MTMR1: variants seen among roughly 807,000 people sequenced by gnomAD.
The protein encoded by MTMR1 is phosphatidylinositol-3-phosphate phosphatase MTMR1.
A neutral mutation model predicts 51.6 loss-of-function variants in MTMR1; 17 were observed. The observed-to-expected ratio is 0.33, with a 90% CI of 0.23 to 0.49. The LOEUF is 0.49. MTMR1 is among the 20% of genes least tolerant of loss of function. The pLI is 0.99. For missense variants in MTMR1, 386 were observed against 526.9 expected (o/e 0.73, Z 2.62); for synonymous variants, 201 against 205.6 (o/e 0.98, Z 0.19).
chrX:150,748,654 C>CAA (rs201735055), intron 13 of MTMR1, among the ~76,000 whole-genome samples: 3 of 88,896 alleles, frequency 3.4e-5, no homozygotes, highest in Non-Finnish European at 6.7e-5. Flanking sequence ...CTTGTCTTTA[C>CAA]AAAAAAAAAA....
intron 13 of MTMR1, among the ~76,000 whole-genome samples, chrX:150,745,605 C>T (rs1557417440): frequency 9.0e-6 from 1 of 111,476 alleles, no homozygotes; most frequent in Non-Finnish European, 1.9e-5. Flanking sequence ...AGTCATGATG[C>T]TGCCTGTGCT....
chrX:150,759,188 A>G (rs1603274642), intron 15 of MTMR1, among the ~76,000 whole-genome samples: 1 of 112,616 alleles, frequency 8.9e-6, no homozygotes. Context: ...TCAGTGGTCA[A>G]CTTGGGAACC....
intron 15 of MTMR1, among the ~76,000 whole-genome samples, chrX:150,757,240 G>A (rs1227296288): frequency 3.6e-5 from 4 of 112,359 alleles, no homozygotes; most frequent in Non-Finnish European, 7.5e-5. Flanking sequence ...CCTGCCAGCT[G>A]GAAAGCTCCC....
chrX:150,693,649 G>A lies in MTMR1; in HGVS notation c.119G>A (p.Arg40Gln), dbSNP rs1185892997. ...GCGGGGGGCGCCACCGCCGGCTCCC[G>A]GCAGCCCAGCGTGGAGACCCTGGAC... ...RAAGGATAGS[R>Q]QPSVETLDSP... is the part of the protein sequence containing the mutation. The change falls in exon 1 of 16, where the codon CGG (arginine) becomes CAG (glutamine). Residue 40 changes from arginine (R) to glutamine (Q), a missense_variant. Arg to Gln is a conservative substitution (Grantham distance 43). Coordinates refer to ENST00000445323, the MANE Select transcript of MTMR1 (RefSeq NM_001306144.3). 25 of 754,751 alleles carry A rather than the reference G, an allele frequency of 3.3e-5. No individual in the cohort carries two copies. The highest frequency in any genetic ancestry group is 3.7e-5 in the Non-Finnish European group (24 of 641,324). 62.2% of individuals were successfully genotyped at this position (754,751 alleles called of 1,213,427 possible).
In MTMR1 at chrX:150,764,821, C is replaced by T. The variant is rs1454772013; in HGVS notation, c.*2092C>T. ...TTAAGTAAGTAAGTGTACTAGAATG[C>T]GAAGCCGTTATGGTTCAGGTTTTTA... is the stretch of plus-strand genomic sequence containing the variant. On this transcript the variant is annotated 3_prime_UTR_variant, in exon 16 of 16. Transcript: ENST00000445323. 3.6e-5 allele frequency: 4 copies of T among 112,619 alleles called. No homozygotes were observed. The highest frequency in any genetic ancestry group is 6.5e-5 in the African/African-American group (2 of 30,966). 9.3% of individuals were successfully genotyped at this position (112,619 alleles called of 1,213,427 possible). A position where few individuals can be genotyped will look rare whatever the true frequency, so the allele number is the denominator to read the frequency against.
At chrX:150,718,021 C>G (rs1244548855) in intron 3 of MTMR1, among the ~76,000 whole-genome samples, 1 of 112,775 alleles carries the variant, frequency 8.9e-6, no homozygotes, top group Non-Finnish European at 1.9e-5. Flanking sequence ...CTCTTCATGT[C>G]CCTGGTCATA....
At chrX:150,761,233 G>C (rs1328360397) in intron 15 of MTMR1, among the ~76,000 whole-genome samples, 1 of 111,731 alleles carries the variant, frequency 9.0e-6, no homozygotes, top group Non-Finnish European at 1.9e-5. Context: ...GAGGCCTGTG[G>C]GATCTGCCTT....
rs1267347198 is a variant in MTMR1 at position 150,764,214 on chromosome X, T to C, written c.*1485T>C. On this transcript the variant is annotated 3_prime_UTR_variant, in exon 16 of 16. Transcript: ENST00000445323. ...ATTGACCTTATTATTTTTGAAAATA[T>C]GTTAAGGGTTTTTTCGTAGAGAGAG... The C allele has an allele frequency of 8.9e-6, 1 of 112,499 alleles. No homozygotes were observed. Among genetic ancestry groups the C allele is most frequent in the Non-Finnish European group, 1.9e-5 (1 of 53,263 alleles). 9.3% of individuals were successfully genotyped at this position (112,499 alleles called of 1,213,427 possible).
At chrX:150,703,601 C>T in intron 2 of MTMR1, among the ~76,000 whole-genome samples, 1 of 112,196 alleles carries the variant, frequency 8.9e-6, no homozygotes, top group Non-Finnish European at 1.9e-5. Context: ...ACAGTAATTA[C>T]ATTTGGAGGG....
intron 2 of MTMR1, among the ~76,000 whole-genome samples, chrX:150,708,002 A>G (rs782589776): frequency 8.9e-6 from 1 of 112,543 alleles, no homozygotes; most frequent in East Asian, 2.8e-4. Context: ...CTTCATTTAT[A>G]TGACATTCTT....
At chrX:150,747,165 G>C (rs916381302) in intron 13 of MTMR1, among the ~76,000 whole-genome samples, 3 of 110,712 alleles carry the variant, frequency 2.7e-5, no homozygotes, top group Admixed American at 1.9e-4. Context: ...GTGCAGAATT[G>C]GGGCCAGGTG....
intron 12 of MTMR1, among the ~76,000 whole-genome samples, chrX:150,737,787 C>T (rs1219137929): frequency 4.5e-5 from 5 of 111,943 alleles, no homozygotes; most frequent in African/African-American, 1.6e-4. Flanking sequence ...CATACTCTGG[C>T]CAGGCGCGGT....
At chrX:150,739,708 C>T (rs968942154) in intron 12 of MTMR1, among the ~76,000 whole-genome samples, 1 of 112,549 alleles carries the variant, frequency 8.9e-6, no homozygotes, top group Middle Eastern at 4.6e-3. Flanking sequence ...ATAGGACTAT[C>T]AGATTCCTAA....
intron 2 of MTMR1, among the ~76,000 whole-genome samples, chrX:150,709,033 G>A (rs1234155642): frequency 1.8e-5 from 2 of 111,682 alleles, no homozygotes; most frequent in South Asian, 3.7e-4. Context: ...CGAATCCTTC[G>A]GAGTTGGGAA....
At position 150,731,614 on chromosome X, in the gene MTMR1, G is replaced by A; in HGVS notation, c.886G>A (p.Val296Ile). 1 of 1,193,631 alleles carries A rather than the reference G, an allele frequency of 8.4e-7. No individual in the cohort carries two copies. The highest frequency in any genetic ancestry group is 1.1e-6 in the Non-Finnish European group (1 of 885,694). The stretch of plus-strand genomic sequence containing the variant: ...GGCAGCTTTTCGAGCAAAAGGCAGA[G>A]TCCCTGTAAGTAATAAACATTGTCA... Reference protein sequence around the residue: ...KVAAFRAKGRVPVLSWIHPES... With the variant: ...KVAAFRAKGRIPVLSWIHPES... Residue 296 changes from valine (V) to isoleucine (I), a missense_variant, in exon 9 of 16, where the codon GTC (valine) becomes ATC (isoleucine). Physicochemically the swap from Val to Ile is conservative, Grantham distance 29. Coordinates refer to ENST00000445323, the MANE Select transcript of MTMR1 (RefSeq NM_001306144.3).
At chrX:150,737,217 T>C in intron 11 of MTMR1, 25 bp from the exon 12 acceptor site, 1 of 1,172,114 alleles carries the variant, frequency 8.5e-7, no homozygotes, top group Non-Finnish European at 1.2e-6. Context: ...TGTAGCCTGG[T>C]CTAATGTGCC....
At position 150,714,631 on chromosome X, in the gene MTMR1, C is replaced by A. The variant is rs782054719; in HGVS notation, c.276+2266C>A. The A allele has an allele frequency of 7.0e-6, 4 of 568,461 alleles. No individual in the cohort carries two copies. In the South Asian group the frequency reaches 1.2e-4, roughly 18 times the overall value. The allele number at this position is 568,461 out of a possible 1,213,427, so 46.8% of individuals were successfully genotyped here. ...ATAATAAGCAAAGCTTTCCAGATGC[C>A]TCTACCACAATAGTAGTGCCCTCCT... On this transcript the variant is annotated intron_variant, in intron 3 of 15. Coordinates refer to ENST00000445323, the MANE Select transcript of MTMR1 (RefSeq NM_001306144.3).
intron 14 of MTMR1, among the ~76,000 whole-genome samples, chrX:150,753,088 G>T (rs2042799691): frequency 8.9e-6 from 1 of 111,894 alleles, no homozygotes; most frequent in Non-Finnish European, 1.9e-5. Flanking sequence ...TCATAGAAAT[G>T]GAATTATACA....
Position 150,762,622 on chromosome X carries a change from C to G in MTMR1, c.1915C>G (p.Arg639Gly). The change falls in exon 16 of 16, where the codon CGT (arginine) becomes GGT (glycine). Residue 639 changes from arginine (R) to glycine (G), a missense_variant. By Grantham distance (125) the Arg-to-Gly change is moderately radical. Coordinates refer to ENST00000445323, the MANE Select transcript of MTMR1 (RefSeq NM_001306144.3). ...GGCCGTCAGGGCGGAGCTGCAGAAG[C>G]GTGTGGAGGGCCTACAGCGGGAGGT... ...LLAVRAELQK[R>G]VEGLQREVAT... is the part of the protein sequence containing the mutation. 1 of 1,211,851 alleles carries G rather than the reference C, an allele frequency of 8.3e-7. No individual in the cohort carries two copies.
Sources: gnomAD v4.1 joint callset for allele counts (sites outside exome capture counted in the v4.1 genomes callset) on GRCh38, gnomAD v4.1.1 for gene constraint, MANE v1.5 for transcripts, NCBI Gene and HGNC (gene_info 2026-07-23, HGNC 2026-07-21) for gene names.